Variants in OLFM3 observed in about 807,000 individuals in gnomAD.
OLFM3 encodes the protein olfactomedin 3.
OLFM3 carries 20 observed loss-of-function variants against 48.6 expected under a neutral mutation model. The observed-to-expected ratio is 0.41, with a 90% confidence interval of 0.29 to 0.60. The LOEUF is 0.60. OLFM3 is among the 20% of genes least tolerant of loss of function. The pLI is 0.28. For missense variants in OLFM3, 437 were observed against 544.3 expected (o/e 0.80, Z 1.96); for synonymous variants, 222 against 198.1 (o/e 1.12, Z -1.01).
intron 1 of OLFM3, among the ~76,000 whole-genome samples, chr1:101,920,956 A>G (rs1659076054): frequency 6.6e-6 from 1 of 151,986 alleles, no homozygotes; most frequent in South Asian, 2.1e-4. Context: ...TATTACTTCT[A>G]CTGTTATAAG....
intron 1 of OLFM3, among the ~76,000 whole-genome samples, chr1:101,919,308 A>T (rs1659021210): frequency 6.6e-6 from 1 of 151,992 alleles, no homozygotes; most frequent in African/African-American, 2.4e-5. Context: ...GACTTGAAAA[A>T]TTTTTTTGAA....
intron 1 of OLFM3, among the ~76,000 whole-genome samples, chr1:101,841,616 A>G (rs1655724175): frequency 6.6e-6 from 1 of 152,228 alleles, no homozygotes; most frequent in Non-Finnish European, 1.5e-5. Context: ...AGATAGCAGT[A>G]CAGGCTCTGC....
At chr1:101,988,459 G>T (rs115851777) in intron 1 of OLFM3, among the ~76,000 whole-genome samples, 1 of 152,082 alleles carries the variant, frequency 6.6e-6, no homozygotes, top group African/African-American at 2.4e-5. Context: ...GATTTTTGGC[G>T]TAAGTCAAGA....
At chr1:101,986,962 TG>T (rs1661259659) in intron 1 of OLFM3, among the ~76,000 whole-genome samples, 1 of 152,242 alleles carries the variant, frequency 6.6e-6, no homozygotes, top group Non-Finnish European at 1.5e-5. Context: ...AAACCATCCC[TG>T]ATACGTAAAC....
intron 1 of OLFM3, among the ~76,000 whole-genome samples, chr1:101,977,984 G>A (rs1364483825): frequency 3.3e-5 from 5 of 152,084 alleles, no homozygotes; most frequent in African/African-American, 1.2e-4. Flanking sequence ...TGAATAAGTA[G>A]CATCAGGTTA....
chr1:101,871,285 C>A (rs145945394), intron 1 of OLFM3, among the ~76,000 whole-genome samples: 5 of 151,890 alleles, frequency 3.3e-5, no homozygotes, highest in African/African-American at 1.2e-4. Context: ...TAACAAAATG[C>A]GTGTTGAAAA....
At chr1:101,876,017 G>C (rs1264473484) in intron 1 of OLFM3, among the ~76,000 whole-genome samples, 1 of 151,972 alleles carries the variant, frequency 6.6e-6, no homozygotes, top group Admixed American at 6.6e-5. Flanking sequence ...GGCAGATTCA[G>C]TTTTGCACTC....
At chr1:101,992,708 A>T (rs375801366) in intron 1 of OLFM3, among the ~76,000 whole-genome samples, 6 of 152,222 alleles carry the variant, frequency 3.9e-5, no homozygotes, top group African/African-American at 1.4e-4. Context: ...TGAAAGCTAC[A>T]CTTAGGCAGT....
intron 1 of OLFM3, among the ~76,000 whole-genome samples, chr1:101,885,472 G>T (rs1444251425): frequency 6.6e-6 from 1 of 151,974 alleles, no homozygotes. Context: ...AAATTATGAT[G>T]TATTTCCATA....
At chr1:101,940,856 A>G (rs1300076209) in intron 1 of OLFM3, among the ~76,000 whole-genome samples, 2 of 151,988 alleles carry the variant, frequency 1.3e-5, no homozygotes, top group African/African-American at 4.8e-5. Flanking sequence ...ATTTATTTAA[A>G]TCTAACTGAA....
intron 1 of OLFM3, among the ~76,000 whole-genome samples, chr1:101,915,339 T>C (rs976412381): frequency 2.0e-5 from 3 of 151,464 alleles, no homozygotes; most frequent in African/African-American, 7.3e-5. Flanking sequence ...AATTGTACAT[T>C]TAATCCTCTT....
chr1:101,885,583 T>C (rs905244233), intron 1 of OLFM3, among the ~76,000 whole-genome samples: 3 of 152,074 alleles, frequency 2.0e-5, no homozygotes, highest in Non-Finnish European at 4.4e-5. Context: ...CTTCTCTTCC[T>C]TCTTCTCAGC....
intron 4 of OLFM3, among the ~76,000 whole-genome samples, chr1:101,809,270 A>G (rs893054429): frequency 2.0e-5 from 3 of 151,872 alleles, no homozygotes; most frequent in African/African-American, 4.8e-5. Flanking sequence ...AGTAGTTCTA[A>G]AAAACTACTG....
At chr1:101,899,496 C>T (rs990025772) in intron 1 of OLFM3, among the ~76,000 whole-genome samples, 4 of 151,960 alleles carry the variant, frequency 2.6e-5, no homozygotes, top group African/African-American at 9.7e-5. Context: ...CTAGGTGGAC[C>T]CCCACACTCA....
chr1:101,917,075 TTTTA>T (rs1323763465), intron 1 of OLFM3, among the ~76,000 whole-genome samples: 1 of 152,158 alleles, frequency 6.6e-6, no homozygotes, highest in Non-Finnish European at 1.5e-5. Flanking sequence ...ATCTGGATAT[TTTTA>T]TTTGAGGCTA....
chr1:101,941,172 T>C (rs1254528151), intron 1 of OLFM3, among the ~76,000 whole-genome samples: 3 of 151,624 alleles, frequency 2.0e-5, no homozygotes, highest in Non-Finnish European at 4.4e-5. Flanking sequence ...TTGACGGAGG[T>C]CCATCCGAGA....
At chr1:101,833,726 T>C (rs1007789486) in intron 2 of OLFM3, among the ~76,000 whole-genome samples, 1 of 152,124 alleles carries the variant, frequency 6.6e-6, no homozygotes, top group African/African-American at 2.4e-5. Flanking sequence ...TCATAATTAG[T>C]GAGGTGGTCA....
intron 1 of OLFM3, among the ~76,000 whole-genome samples, chr1:101,948,307 G>A (rs1371480520): frequency 6.6e-6 from 1 of 152,052 alleles, no homozygotes; most frequent in Non-Finnish European, 1.5e-5. Flanking sequence ...ATTAATTGGA[G>A]ATAATGAATG....
chr1:101,901,409 C>T (rs1658382335), intron 1 of OLFM3, among the ~76,000 whole-genome samples: 1 of 152,022 alleles, frequency 6.6e-6, no homozygotes, highest in Admixed American at 6.6e-5. Context: ...GAGTACTGTA[C>T]ATGGGACATG....
Sources: gnomAD v4.1 joint callset for allele counts (sites outside exome capture counted in the v4.1 genomes callset) on GRCh38, gnomAD v4.1.1 for gene constraint, MANE v1.5 for transcripts, NCBI Gene and HGNC (gene_info 2026-07-23, HGNC 2026-07-21) for gene names.